The following NREP variants were observed in gnomAD, a reference collection of about 807,000 sequenced individuals.
NREP encodes the protein neuronal regeneration related protein, also known as neuronal regeneration-related protein.
A neutral mutation model predicts 8.6 loss-of-function variants in NREP; 5 were observed. That is an observed-to-expected ratio of 0.58 (90% confidence interval 0.30 to 1.22). The LOEUF is 1.22. NREP is among the 50% of genes most tolerant of loss of function. The pLI, the probability that NREP is intolerant of heterozygous loss-of-function variation, is 0.07. For synonymous variants in NREP, 27 were observed against 28.0 expected (o/e 0.96, Z 0.11); for missense variants, 86 against 82.5 (o/e 1.04, Z -0.17).
chr5:111,804,659 T>C (rs1752094023), intron 2 of NREP, among the ~76,000 whole-genome samples: 1 of 151,814 alleles, frequency 6.6e-6, no homozygotes, highest in Non-Finnish European at 1.5e-5. Context: ...CTATCCCTAA[T>C]ATGTAATCAA....
chr5:111,916,973 C>T (rs1225369467), intron 2 of NREP, among the ~76,000 whole-genome samples: 1 of 152,114 alleles, frequency 6.6e-6, no homozygotes, highest in Non-Finnish European at 1.5e-5. Flanking sequence ...AGGAAAGTTT[C>T]TGCCCGCTTG....
intron 2 of NREP, among the ~76,000 whole-genome samples, chr5:111,816,089 C>A (rs1026404418): frequency 1.3e-5 from 2 of 152,058 alleles, no homozygotes; most frequent in Non-Finnish European, 2.9e-5. Flanking sequence ...GAGAACTAAA[C>A]GCTAATGAAG....
intron 2 of NREP, among the ~76,000 whole-genome samples, chr5:111,799,624 A>C (rs1751955165): frequency 6.6e-6 from 1 of 152,242 alleles, no homozygotes; most frequent in African/African-American, 2.4e-5. Context: ...AAATGTTTGC[A>C]TGAAAGTCTG....
chr5:111,951,868 G>A lies in NREP; in HGVS notation c.135+23406C>T, dbSNP rs542045933. Reference sequence around the variant, plus strand: ...TTTGCGAGGTATGCCATATGTTTTCGGGTAATACTAGAAATAATAGAGCAA... The same window carrying A: ...TTTGCGAGGTATGCCATATGTTTTCAGGTAATACTAGAAATAATAGAGCAA... On this transcript the variant is annotated intron_variant, in intron 2 of 3. Coordinates refer to the NREP transcript ENST00000395634. Among the ~76,000 whole-genome samples, 22 of 151,966 alleles carry A rather than the reference G, an allele frequency of 1.4e-4. No homozygotes were observed. In the South Asian group the frequency reaches 3.3e-3, roughly 23 times the overall value.
intron 2 of NREP, among the ~76,000 whole-genome samples, chr5:111,915,719 T>C (rs1755038099): frequency 6.6e-6 from 1 of 152,048 alleles, no homozygotes; most frequent in Admixed American, 6.6e-5. Context: ...AAAACAAATA[T>C]TTGTGAAATA....
intron 2 of NREP, among the ~76,000 whole-genome samples, chr5:111,916,788 G>T (rs372100676): frequency 6.6e-6 from 1 of 152,116 alleles, no homozygotes; most frequent in African/African-American, 2.4e-5. Context: ...ACTGTTAGGG[G>T]TTGTGACAAA....
chr5:111,792,414 T>C (rs188439121), intron 2 of NREP, among the ~76,000 whole-genome samples: 1 of 152,362 alleles, frequency 6.6e-6, no homozygotes, highest in East Asian at 1.9e-4. Context: ...AGGTTTAATA[T>C]ATGTTTTGTT....
chr5:111,940,199 G>A (rs1275446534), intron 2 of NREP: 1 of 152,026 alleles, frequency 6.6e-6, no homozygotes, highest in African/African-American at 2.4e-5. Context: ...CACTGTGATA[G>A]CCTTTTGTGA....
intron 2 of NREP, among the ~76,000 whole-genome samples, chr5:111,942,687 A>G (rs1052286702): frequency 2.6e-5 from 4 of 152,066 alleles, no homozygotes; most frequent in Admixed American, 6.6e-5. Flanking sequence ...ACCCTTGAAA[A>G]TAGAGTTTTA....
chr5:111,801,172 GA>G (rs1279082097), intron 2 of NREP, among the ~76,000 whole-genome samples: 2 of 152,174 alleles, frequency 1.3e-5, no homozygotes, highest in Non-Finnish European at 2.9e-5. Context: ...ATATCAAAGA[GA>G]AAGAGAAAGA....
intron 2 of NREP, among the ~76,000 whole-genome samples, chr5:111,871,953 G>A (rs572636762): frequency 6.7e-6 from 1 of 149,226 alleles, no homozygotes; most frequent in Admixed American, 6.7e-5. Flanking sequence ...GGTTCCATTA[G>A]CATATATGTG....
In NREP at chr5:111,731,445, A is replaced by AG. The variant is rs397698271; in HGVS notation, c.82-400dup. ...TTGATAATTATAAAAAAAAAAAAAA[A>AG]GAGTCCAGTGGGTGTGATGAAGACG... On this transcript the variant is annotated intron_variant, in intron 3 of 3. Transcript: ENST00000257435. 4.0e-5 allele frequency among the ~76,000 whole-genome samples: 6 copies of AG among 151,084 alleles called. No homozygotes were observed. In the East Asian group the frequency reaches 1.2e-3, roughly 29 times the overall value.
chr5:111,758,582 C>T (rs1192354195), upstream of NREP, among the ~76,000 whole-genome samples: 2 of 152,066 alleles, frequency 1.3e-5, no homozygotes, highest in East Asian at 3.8e-4. Flanking sequence ...ATTAAATTGC[C>T]TTTCCAAGAA....
chr5:111,740,870 T>A (rs1043022381), intron 2 of NREP, among the ~76,000 whole-genome samples: 7 of 152,214 alleles, frequency 4.6e-5, no homozygotes, highest in African/African-American at 7.2e-5. Context: ...AATTTGTATT[T>A]TCCTCTGTTC....
At chr5:111,869,692 C>T (rs984569696) in intron 2 of NREP, among the ~76,000 whole-genome samples, 7 of 152,028 alleles carry the variant, frequency 4.6e-5, no homozygotes, top group African/African-American at 1.7e-4. Flanking sequence ...AATGGATTTG[C>T]TTGGAAGGGA....
At chr5:111,845,615 C>G (rs924547625) in intron 2 of NREP, among the ~76,000 whole-genome samples, 2 of 152,108 alleles carry the variant, frequency 1.3e-5, no homozygotes, top group Non-Finnish European at 2.9e-5. Flanking sequence ...AGCTTAAAAT[C>G]TGGAAGCAAA....
chr5:111,890,672 G>A (rs1283653234), intron 2 of NREP, among the ~76,000 whole-genome samples: 1 of 152,210 alleles, frequency 6.6e-6, no homozygotes, highest in African/African-American at 2.4e-5. Context: ...AAGCTGCCAA[G>A]GTTTATGGCT....
At chr5:111,928,543 C>T (rs748024941) in intron 2 of NREP, among the ~76,000 whole-genome samples, 5 of 152,164 alleles carry the variant, frequency 3.3e-5, no homozygotes, top group Non-Finnish European at 5.9e-5. Flanking sequence ...GCATGGAACT[C>T]AGCCATGAGT....
At chr5:111,870,759 A>G (rs1753770497) in intron 2 of NREP, among the ~76,000 whole-genome samples, 1 of 152,114 alleles carries the variant, frequency 6.6e-6, no homozygotes, top group South Asian at 2.1e-4. Context: ...CCACATGAAG[A>G]TGGAGGCAGA....
Sources: allele counts gnomAD v4.1 joint callset (sites outside exome capture counted in the v4.1 genomes callset), GRCh38; gene constraint gnomAD v4.1.1; transcripts MANE v1.5; gene names NCBI Gene and HGNC (gene_info 2026-07-23, HGNC 2026-07-21).